Variants in ARHGAP42 observed in about 807,000 individuals in gnomAD.
ARHGAP42 encodes Rho GTPase activating protein 42, also known as rho GTPase-activating protein 42.
Under a neutral mutation model 125.0 loss-of-function variants are expected in ARHGAP42, and 63 were observed. The observed-to-expected ratio is 0.50, with a 90% CI of 0.41 to 0.62. The LOEUF (loss-of-function observed/expected upper bound fraction) is 0.62, where lower values mean the gene tolerates loss of function less well. Ranked by LOEUF, ARHGAP42 falls within the 20% of genes least tolerant of loss-of-function variation. ARHGAP42 has a pLI of 0.00. For synonymous variants in ARHGAP42, 339 were observed against 351.0 expected (o/e 0.97, Z 0.38); for missense variants, 766 against 1,024.2 (o/e 0.75, Z 3.44).
intron 1 of ARHGAP42, among the ~76,000 whole-genome samples, chr11:100,697,966 G>C (rs1861315720): frequency 6.6e-6 from 1 of 152,176 alleles, no homozygotes; most frequent in Non-Finnish European, 1.5e-5. Flanking sequence ...TTCCTTCTAT[G>C]AAAAAGTTAC....
intron 2 of ARHGAP42, among the ~76,000 whole-genome samples, chr11:100,789,095 T>C (rs142725438): frequency 8.5e-5 from 13 of 152,326 alleles, no homozygotes; most frequent in African/African-American, 2.6e-4. Flanking sequence ...TAAGTGGTAA[T>C]GTTTTACTAC....
chr11:100,749,742 G>T (rs555691153), intron 1 of ARHGAP42, among the ~76,000 whole-genome samples: 1 of 152,180 alleles, frequency 6.6e-6, no homozygotes, highest in Admixed American at 6.5e-5. Context: ...GGACCCACTC[G>T]CTCCGTCCAG....
chr11:100,889,240 A>G (rs1222150089), intron 4 of ARHGAP42, among the ~76,000 whole-genome samples: 1 of 152,176 alleles, frequency 6.6e-6, no homozygotes, highest in Non-Finnish European at 1.5e-5. Flanking sequence ...TGTCTCCCCA[A>G]ATTCTCAATC....
chr11:100,877,405 A>G (rs1435897290), intron 4 of ARHGAP42, among the ~76,000 whole-genome samples: 1 of 152,230 alleles, frequency 6.6e-6, no homozygotes, highest in Non-Finnish European at 1.5e-5. Flanking sequence ...TGTGTGCTTT[A>G]CTATACTTCT....
intron 18 of ARHGAP42, among the ~76,000 whole-genome samples, chr11:100,974,017 G>A (rs1340163647): frequency 6.6e-6 from 1 of 152,122 alleles, no homozygotes; most frequent in Non-Finnish European, 1.5e-5. Flanking sequence ...CTGTAGCTCT[G>A]CACATACCTT....
At chr11:100,785,446 C>T (rs769826508) in intron 2 of ARHGAP42, among the ~76,000 whole-genome samples, 8 of 152,096 alleles carry the variant, frequency 5.3e-5, no homozygotes, top group Non-Finnish European at 8.8e-5. Flanking sequence ...AAAGCAAAAG[C>T]AAAGGGGTTA....
At chr11:100,824,663 CA>C (rs1377035365) in intron 3 of ARHGAP42, among the ~76,000 whole-genome samples, 2 of 152,272 alleles carry the variant, frequency 1.3e-5, no homozygotes, top group East Asian at 3.9e-4. Flanking sequence ...TTCTCCTAAT[CA>C]ACTATATATC....
At position 100,856,159 on chromosome 11, in the gene ARHGAP42, AAAGAGTTCCAT is replaced by A. The variant is rs1865318299; in HGVS notation, c.313-3393_313-3383del. Among the ~76,000 whole-genome samples, 3 of 152,078 alleles carry A rather than the reference AAAGAGTTCCAT, an allele frequency of 2.0e-5. No homozygotes were observed. In the South Asian group the frequency reaches 6.2e-4, roughly 31 times the overall value. On this transcript the variant is annotated intron_variant, in intron 3 of 23. Transcript: ENST00000298815. ...CAAGCCTGTTTTGTGAATCCGGATG[AAAGAGTTCCAT>A]ATGAGCAAAAATTGCATTTCTCTAC...
chr11:100,916,284 G>T (rs776699187), intron 5 of ARHGAP42, among the ~76,000 whole-genome samples: 1 of 152,128 alleles, frequency 6.6e-6, no homozygotes, highest in Non-Finnish European at 1.5e-5. Context: ...AGAAAGACCT[G>T]AATGCATAAA....
chr11:100,986,220 G>A, intron 22 of ARHGAP42: 1 of 393,014 alleles, frequency 2.5e-6, no homozygotes, highest in Non-Finnish European at 5.0e-6. Context: ...AGATATGATA[G>A]TTCCCTGGGC....
chr11:100,987,357 A>C (rs1178743030), intron 22 of ARHGAP42, among the ~76,000 whole-genome samples, 156 bp from the exon 23 acceptor site: 2 of 152,214 alleles, frequency 1.3e-5, no homozygotes, highest in Non-Finnish European at 2.9e-5. Flanking sequence ...GATTGTGTTC[A>C]GTGCAAAAAG....
intron 1 of ARHGAP42, among the ~76,000 whole-genome samples, chr11:100,734,992 TACAACAACAAAACA>T (rs1565546831): frequency 2.0e-5 from 3 of 151,320 alleles, no homozygotes; most frequent in Admixed American, 1.3e-4. Context: ...TGAAAACAAC[TACAACAACAAAACA>T]ACAACAACAA....
At chr11:100,910,873 T>C (rs191688089) in intron 4 of ARHGAP42, among the ~76,000 whole-genome samples, 1 of 152,116 alleles carries the variant, frequency 6.6e-6, no homozygotes, top group Non-Finnish European at 1.5e-5. Context: ...GGCCTGGTGG[T>C]GTGAAGGGGC....
intron 9 of ARHGAP42, 117 bp from the exon 10 acceptor site, chr11:100,943,642 C>G: frequency 1.6e-6 from 1 of 626,992 alleles, no homozygotes; most frequent in Non-Finnish European, 2.7e-6. Context: ...ATGATTGTGA[C>G]CTTTATACAT....
chr11:100,961,687 C>A lies in ARHGAP42; in HGVS notation c.1304C>A (p.Pro435His). The A allele has an allele frequency of 1.3e-6, 2 of 1,551,252 alleles. No individual in the cohort carries two copies. Among genetic ancestry groups the A allele is most frequent in the Non-Finnish European group, 1.7e-6 (2 of 1,146,668 alleles). ...CACCTTGTTTTATTCTTTCCAGCTC[C>A]TAAATCCCCTCCTGATATTGATATT... ...VQKLMNTTFS[P>H]KSPPDIDIDI... Residue 435 changes from proline to histidine, a missense_variant, in exon 15 of 24, where the codon CCT becomes CAT. By Grantham distance (77) the Pro-to-His change is moderately conservative (BLOSUM62 -2). Transcript: ENST00000298815.
chr11:100,751,545 A>G (rs1256265487), intron 1 of ARHGAP42, among the ~76,000 whole-genome samples: 1 of 151,774 alleles, frequency 6.6e-6, no homozygotes, highest in Non-Finnish European at 1.5e-5. Context: ...TCCTGGGTAG[A>G]AACCTGTTGT....
chr11:100,844,355 T>TGGCCATAATCAAAA (rs1865012872), intron 3 of ARHGAP42, among the ~76,000 whole-genome samples: 1 of 144,964 alleles, frequency 6.9e-6, no homozygotes, highest in African/African-American at 2.9e-5. Flanking sequence ...AATTCTAGAA[T>TGGCCATAATCAAAA]ATTGTAAGAA....
At chr11:100,834,429 G>A (rs1864733824) in intron 3 of ARHGAP42, among the ~76,000 whole-genome samples, 1 of 152,126 alleles carries the variant, frequency 6.6e-6, no homozygotes. Context: ...GTCAAGTGCA[G>A]GGCAAGTTCC....
At chr11:100,929,103 A>G (rs1197250049) in intron 6 of ARHGAP42, among the ~76,000 whole-genome samples, 1 of 152,172 alleles carries the variant, frequency 6.6e-6, no homozygotes, top group Non-Finnish European at 1.5e-5. Context: ...GTTTTATGGA[A>G]GACTATTTTT....
Sources: gnomAD v4.1 joint callset for allele counts (sites outside exome capture counted in the v4.1 genomes callset) on GRCh38, gnomAD v4.1.1 for gene constraint, MANE v1.5 for transcripts, NCBI Gene and HGNC (gene_info 2026-07-23, HGNC 2026-07-21) for gene names.